Variants in NHSL1 observed in about 807,000 individuals in gnomAD.
NHSL1 encodes NHS like 1.
Under a neutral mutation model 95.0 loss-of-function variants are expected in NHSL1, and 48 were observed. The observed-to-expected ratio is 0.51, with a 90% CI of 0.40 to 0.64. The LOEUF (loss-of-function observed/expected upper bound fraction) is 0.64. Ranked by LOEUF, NHSL1 falls within the 30% of genes least tolerant of loss-of-function variation. The pLI, the probability that NHSL1 is intolerant of heterozygous loss-of-function variation, is 0.00. For synonymous variants in NHSL1, 783 were observed against 833.9 expected (o/e 0.94, Z 1.05); for missense variants, 1,971 against 2,077.7 (o/e 0.95, Z 1.00).
At chr6:138,498,920 T>A (rs1780514620) in intron 1 of NHSL1, among the ~76,000 whole-genome samples, 1 of 152,244 alleles carries the variant, frequency 6.6e-6, no homozygotes, top group South Asian at 2.1e-4. Context: ...TTCAAAGGAC[T>A]TCTTTTGAAA....
intron 4 of NHSL1, among the ~76,000 whole-genome samples, chr6:138,445,385 T>C (rs1289987038): frequency 1.3e-5 from 2 of 152,198 alleles, no homozygotes; most frequent in African/African-American, 4.8e-5. Flanking sequence ...CATTATACTT[T>C]GTTCTAAAAC....
At chr6:138,653,447 G>A (rs1300227953) in intron 1 of NHSL1, among the ~76,000 whole-genome samples, 3 of 152,208 alleles carry the variant, frequency 2.0e-5, no homozygotes, top group Admixed American at 6.5e-5. Context: ...CCAGATATGC[G>A]GGAGGCTGAG....
chr6:138,535,654 C>G (rs926444261), intron 1 of NHSL1, among the ~76,000 whole-genome samples: 4 of 151,982 alleles, frequency 2.6e-5, no homozygotes, highest in Non-Finnish European at 5.9e-5. Flanking sequence ...GGATTTGCCA[C>G]GAAATGGGGA....
Position 138,430,644 on chromosome 6 carries a change from T to G in NHSL1, c.3701A>C (p.Glu1234Ala). ...CTCCCTGCTGTGCACAGAGCCCTCC[T>G]CTCCCGTCGTGGGGCTGGGCACAGC... is the stretch of plus-strand genomic sequence containing the variant. Reference protein sequence around the residue: ...LRAVPSPTTGEEGSVHSREAK... With the variant: ...LRAVPSPTTGAEGSVHSREAK... The change falls in exon 6 of 8, where the codon GAG becomes GCG. Residue 1234 changes from glutamate to alanine, a missense_variant. Around this residue, in one of 3 missense-constraint regions of NHSL1, gnomAD observed 1,602 missense variants for 1,654.5 expected, o/e 0.97. Coordinates refer to ENST00000343505, the MANE Select transcript of NHSL1 (RefSeq NM_001144060.2). This position sits in a 1 kb window ranked among gnomAD's most constrained non-coding sequence, Gnocchi z 4.7. 1 of 1,551,574 alleles carries G rather than the reference T, an allele frequency of 6.4e-7. No homozygotes were observed. The highest frequency in any genetic ancestry group is 1.4e-5 in the African/African-American group (1 of 73,138).
intron 5 of NHSL1, among the ~76,000 whole-genome samples, chr6:138,434,030 G>A (rs139028526): frequency 0.013 from 1,951 of 152,114 alleles, 28 homozygotes; most frequent in African/African-American, 0.037. Flanking sequence ...GTAGCCTTTC[G>A]CCCACTGGGT....
At position 138,437,432 on chromosome 6, in the gene NHSL1, ACACACACACAC is replaced by A. The variant is rs1776241759; in HGVS notation, c.665-3763_665-3753del. The stretch of plus-strand genomic sequence containing the variant: ...CACATATACACACACACACACACAC[ACACACACACAC>A]ACAAAAAAAAAAAAAAAAAATACAA... On this transcript the variant is annotated intron_variant, in intron 5 of 7. Coordinates refer to ENST00000343505, the MANE Select transcript of NHSL1 (RefSeq NM_001144060.2). Among the ~76,000 whole-genome samples the A allele has an allele frequency of 8.1e-5, 3 of 36,934 alleles. 1 individual carries two copies. The highest frequency in any genetic ancestry group is 1.6e-4 in the Non-Finnish European group (3 of 18,324). 24.2% of individuals were successfully genotyped at this position (36,934 alleles called of 152,430 possible).
At chr6:138,508,686 C>G (rs918723603) in intron 1 of NHSL1, among the ~76,000 whole-genome samples, 1 of 152,184 alleles carries the variant, frequency 6.6e-6, no homozygotes, top group Non-Finnish European at 1.5e-5. Context: ...GATGCTTGAT[C>G]CTCCGCTTAC....
intron 1 of NHSL1, among the ~76,000 whole-genome samples, chr6:138,541,320 T>C (rs1000090122): frequency 2.6e-5 from 4 of 152,074 alleles, no homozygotes; most frequent in Admixed American, 1.3e-4. Context: ...TGAGCCAAGA[T>C]CGCACTACTG....
rs1785689519 is a variant in NHSL1, at chr6:138,692,318, C to A, written c.96+158G>T. The A allele has an allele frequency of 5.3e-6, 2 of 375,416 alleles. No individual in the cohort carries two copies. Among genetic ancestry groups the A allele is most frequent in the Non-Finnish European group, 5.3e-6 (1 of 189,006 alleles). The allele number at this position is 375,416 out of a possible 1,614,324, so 23.3% of individuals were successfully genotyped here. ...GCGCTCTGCGCCCCTGCCACCTGCC[C>A]AGCCTCCCGCTGGGGTCCGGCAGTC... is the stretch of plus-strand genomic sequence containing the variant. On this transcript the variant is annotated intron_variant, in intron 1 of 3. Transcript: ENST00000491526. The surrounding 1 kb of genome is among the most constrained non-coding windows in gnomAD (Gnocchi z 4.0).
At chr6:138,641,712 G>A (rs936664096) in intron 1 of NHSL1, among the ~76,000 whole-genome samples, 1 of 151,246 alleles carries the variant, frequency 6.6e-6, no homozygotes, top group Non-Finnish European at 1.5e-5. Flanking sequence ...ACCTTCCCAG[G>A]AATACTGCAC....
chr6:138,480,490 C>T (rs1362509061), intron 2 of NHSL1, among the ~76,000 whole-genome samples: 2 of 152,208 alleles, frequency 1.3e-5, no homozygotes, highest in Admixed American at 6.5e-5. Context: ...AGGACCAGTT[C>T]GGTAGGCCAG....
intron 3 of NHSL1, among the ~76,000 whole-genome samples, chr6:138,464,701 T>G (rs962187123): frequency 8.1e-6 from 1 of 123,934 alleles, no homozygotes; most frequent in Admixed American, 7.9e-5. Context: ...TCTCTTCACT[T>G]TTTTTTTTCT....
intron 1 of NHSL1, among the ~76,000 whole-genome samples, chr6:138,683,596 T>C (rs1356985416): frequency 6.6e-6 from 1 of 152,230 alleles, no homozygotes; most frequent in African/African-American, 2.4e-5. Context: ...CCTCAGATAT[T>C]TGACAGGTTT....
chr6:138,437,455 A>C (rs1321882422), intron 5 of NHSL1, among the ~76,000 whole-genome samples: 16 of 141,034 alleles, frequency 1.1e-4, no homozygotes, highest in African/African-American at 3.9e-4. Context: ...CAAAAAAAAA[A>C]AAAAAAAATA....
intron 1 of NHSL1, among the ~76,000 whole-genome samples, chr6:138,657,884 CA>C (rs1249272111): frequency 1.4e-5 from 2 of 145,776 alleles, no homozygotes; most frequent in Non-Finnish European, 1.5e-5. Flanking sequence ...AAACAACTGC[CA>C]AAAAAAGTTT....
chr6:138,492,594 C>T (rs943622845), intron 2 of NHSL1, among the ~76,000 whole-genome samples: 19 of 152,186 alleles, frequency 1.2e-4, no homozygotes, highest in African/African-American at 4.6e-4. Flanking sequence ...TCTGTGGCTT[C>T]TTCAGTTAAT....
In NHSL1 at chr6:138,652,302, G is replaced by A. The variant is rs370734583; in HGVS notation, c.96+40174C>T. ...ACTAAAAATACAAAATTAGCCAGGC[G>A]TGGCGGCTCATGCCTGTAATCCCAG... On this transcript the variant is annotated intron_variant, in intron 1 of 3. Coordinates refer to the NHSL1 transcript ENST00000491526. 1.2e-4 allele frequency among the ~76,000 whole-genome samples: 18 copies of A among 152,098 alleles called. No homozygotes were observed. In the South Asian group the frequency reaches 3.1e-3, roughly 26 times the overall value.
In NHSL1 at chr6:138,431,479, C is replaced by G; in HGVS notation, c.2866G>C (p.Val956Leu). The part of the protein sequence containing the change: ...RSPFLPPPPP[V>L]TDCSQGSPLP... Reference sequence around the variant, plus strand: ...GGAGAGCCCTGGGAGCAATCTGTGACAGGAGGTGGGGGAGGAAGGAAAGGA... The same window carrying G: ...GGAGAGCCCTGGGAGCAATCTGTGAGAGGAGGTGGGGGAGGAAGGAAAGGA... The change falls in exon 6 of 8, where the codon GTC (valine) becomes CTC (leucine). Residue 956 changes from valine to leucine, a missense_variant. Physicochemically the swap from Val to Leu is conservative, Grantham distance 32 (BLOSUM62 1). Around this residue, in one of 3 missense-constraint regions of NHSL1, gnomAD observed 1,602 missense variants for 1,654.5 expected, o/e 0.97. Transcript: ENST00000343505. The surrounding 1 kb of genome is among the most constrained non-coding windows in gnomAD (Gnocchi z 4.0). The G allele has an allele frequency of 6.5e-7, 1 of 1,549,496 alleles. No homozygotes were observed. Among genetic ancestry groups the G allele is most frequent in the Non-Finnish European group, 8.7e-7 (1 of 1,146,530 alleles).
intron 5 of NHSL1, among the ~76,000 whole-genome samples, chr6:138,440,522 G>A (rs1776461382): frequency 6.6e-6 from 1 of 151,930 alleles, no homozygotes; most frequent in African/African-American, 2.4e-5. Context: ...GATAGAACAG[G>A]GCAAACACCT....
Sources: gnomAD v4.1 joint callset for allele counts (sites outside exome capture counted in the v4.1 genomes callset) on GRCh38, gnomAD v4.1.1 for gene constraint, gnomAD v4.1.1 regional missense constraint, Gnocchi (gnomAD v3.1) non-coding constraint, MANE v1.5 for transcripts, NCBI Gene and HGNC (gene_info 2026-07-23, HGNC 2026-07-21) for gene names.